The following SIRPD variants were observed in gnomAD, a reference collection of about 807,000 sequenced individuals.
SIRPD encodes signal regulatory protein delta, also known as signal-regulatory protein delta.
A neutral mutation model predicts 18.0 loss-of-function variants in SIRPD; 21 were observed. The ratio of observed to expected loss-of-function variants is 1.17; its 90% CI spans 0.83 to 1.68. The LOEUF (loss-of-function observed/expected upper bound fraction) is 1.68, where lower values mean the gene tolerates loss of function less well. Ranked by LOEUF, SIRPD falls within the 40% of genes most tolerant of loss-of-function variation. The probability of loss-of-function intolerance (pLI) is 0.00; values close to 1 mark genes in which losing one functional copy is unlikely to be tolerated. For synonymous variants in SIRPD, 106 were observed against 92.9 expected (o/e 1.14, Z -0.81); for missense variants, 295 against 238.4 (o/e 1.24, Z -1.56).
At chr20:1,534,756 C>A (rs896399772) in intron 3 of SIRPD, among the ~76,000 whole-genome samples, 1 of 152,122 alleles carries the variant, frequency 6.6e-6, no homozygotes, top group Non-Finnish European at 1.5e-5. Context: ...TCAAAATACC[C>A]CCTGTCCATT....
intron 2 of SIRPD, among the ~76,000 whole-genome samples, chr20:1,537,567 C>T (rs1268014813): frequency 1.3e-5 from 2 of 152,190 alleles, no homozygotes; most frequent in Non-Finnish European, 2.9e-5. Context: ...ATCCAGGAGC[C>T]CAGGAACAGG....
chr20:1,552,909 T>C (rs1441078877), intron 1 of SIRPD, among the ~76,000 whole-genome samples: 1 of 152,192 alleles, frequency 6.6e-6, no homozygotes, highest in East Asian at 1.9e-4. Flanking sequence ...CATTATGGAA[T>C]GTGTCTGGAT....
At position 1,544,925 on chromosome 20, in the gene SIRPD, G is replaced by A. The variant is rs1238331904; in HGVS notation, c.421+6766C>T. Among the ~76,000 whole-genome samples, 4 of 152,144 alleles carry A rather than the reference G, an allele frequency of 2.6e-5. No individual in the cohort carries two copies. The East Asian group carries it at 7.7e-4, about 29-fold the overall frequency. On this transcript the variant is annotated intron_variant, in intron 2 of 3. Transcript: ENST00000381623. ...CTGGGTTGAAAATTCTTTTCTTTAA[G>A]AATGTTGAATGTTGGTCCTCACTCT...
intron 1 of SIRPD, 31 bp downstream of exon 1, chr20:1,557,550 C>A: frequency 6.7e-7 from 1 of 1,491,562 alleles, no homozygotes; most frequent in African/African-American, 1.4e-5. Context: ...GGGGAGAACC[C>A]ACCACACACA....
In SIRPD at chr20:1,542,235, G is replaced by A. The variant is rs147784144; in HGVS notation, c.422-4925C>T. Among the ~76,000 whole-genome samples the A allele has an allele frequency of 9.5e-3, 1,439 of 152,260 alleles. 24 individuals carry two copies. The highest frequency in any genetic ancestry group is 0.034 in the African/African-American group (1,405 of 41,538). On this transcript the variant is annotated intron_variant, in intron 2 of 3. Coordinates refer to ENST00000381623, the MANE Select transcript of SIRPD (RefSeq NM_178460.3). The stretch of plus-strand genomic sequence containing the variant: ...GATTCTATAAATTACTTTGGGCAGT[G>A]TGGCCATTTTCACGATATTGATTAT...
intron 2 of SIRPD, among the ~76,000 whole-genome samples, chr20:1,548,302 C>G (rs986954506): frequency 2.6e-5 from 4 of 151,572 alleles, no homozygotes; most frequent in African/African-American, 9.7e-5. Flanking sequence ...TTTTTGAGTA[C>G]CTTTTTAAAT....
intron 1 of SIRPD, chr20:1,553,996 G>T (rs2091029602): frequency 6.6e-6 from 1 of 152,552 alleles, no homozygotes; most frequent in Non-Finnish European, 1.5e-5. Context: ...CCATGTCAGG[G>T]TGTCCTACCC....
At chr20:1,549,562 G>C (rs1216804700) in intron 2 of SIRPD, among the ~76,000 whole-genome samples, 1 of 151,790 alleles carries the variant, frequency 6.6e-6, no homozygotes, top group Non-Finnish European at 1.5e-5. Flanking sequence ...GGATTATTTT[G>C]GTGCAGTTGA....
intron 1 of SIRPD, among the ~76,000 whole-genome samples, chr20:1,552,577 C>G (rs1164511193): frequency 6.6e-6 from 1 of 152,146 alleles, no homozygotes; most frequent in East Asian, 1.9e-4. Context: ...CTACTTATCT[C>G]TTCAAGAGAG....
At chr20:1,534,548 C>A in intron 3 of SIRPD, 107 bp from the exon 4 acceptor site, 1 of 1,199,308 alleles carries the variant, frequency 8.3e-7, no homozygotes, top group East Asian at 2.6e-5. Flanking sequence ...AAAAGATTGC[C>A]AATTTTCTGT....
At chr20:1,535,811 T>G (rs936566157) in intron 3 of SIRPD, among the ~76,000 whole-genome samples, 1 of 152,232 alleles carries the variant, frequency 6.6e-6, no homozygotes, top group Non-Finnish European at 1.5e-5. Context: ...ATGTATACAA[T>G]GTGGAAAGTA....
chr20:1,552,197 C>T (rs2091022708), intron 1 of SIRPD, 159 bp from the exon 2 acceptor site: 2 of 640,516 alleles, frequency 3.1e-6, no homozygotes, highest in Admixed American at 2.9e-5. Context: ...CAGCTTCTCC[C>T]TAGAGTGCTG....
intron 1 of SIRPD, among the ~76,000 whole-genome samples, chr20:1,556,523 C>T (rs1201976510): frequency 2.0e-5 from 3 of 152,158 alleles, no homozygotes; most frequent in Non-Finnish European, 2.9e-5. Context: ...AAGTCTTAAC[C>T]ACAAGTAGCT....
At chr20:1,546,851 TTTGATGTGCTTA>T (rs1217769502) in intron 2 of SIRPD, among the ~76,000 whole-genome samples, 1 of 152,248 alleles carries the variant, frequency 6.6e-6, no homozygotes, top group African/African-American at 2.4e-5. Context: ...CTGAGCTCCT[TTTGATGTGCTTA>T]TTGGCAATTT....
At chr20:1,546,660 CCTAT>C (rs1209279381) in intron 2 of SIRPD, among the ~76,000 whole-genome samples, 1 of 152,286 alleles carries the variant, frequency 6.6e-6, no homozygotes, top group African/African-American at 2.4e-5. Flanking sequence ...TGAGGAGCTG[CCTAT>C]CTATTTTCCA....
rs753839547 is a variant in SIRPD at position 1,551,978 on chromosome 20, T to A, written c.134A>T (p.Glu45Val). The change falls in exon 2 of 4, where the codon GAG (glutamate) becomes GTG (valine). Residue 45 changes from glutamate (E) to valine (V), a missense_variant. By Grantham distance (121) the Glu-to-Val change is moderately radical (BLOSUM62 -2). Transcript: ENST00000381623. ...TACGCTGCAACTCAAGATGATTGAC[T>A]CCCCAGTTGATACAGTCTGTGACAT... ...TEMSQTVSTG[E>V]SIILSCSVPN... 6 of 1,613,936 alleles carry A rather than the reference T, an allele frequency of 3.7e-6. No individual in the cohort carries two copies. Among genetic ancestry groups the A allele is most frequent in the Non-Finnish European group, 5.1e-6 (6 of 1,179,976 alleles).
At position 1,551,936 on chromosome 20, in the gene SIRPD, T is replaced by C. The variant is rs2091021140; in HGVS notation, c.176A>G (p.Asn59Ser). ...TCCCTTGAACCACAAGACAGGTCCA[T>C]TTGGTAAGGTATTGGGTACGCTGCA... ...LSCSVPNTLP[N>S]GPVLWFKGTG... Residue 59 changes from asparagine (N) to serine (S), a missense_variant, in exon 2 of 4, where the codon AAT (asparagine) becomes AGT (serine). Physicochemically the swap from Asn to Ser is conservative, Grantham distance 46 (BLOSUM62 1). Coordinates refer to ENST00000381623, the MANE Select transcript of SIRPD (RefSeq NM_178460.3). 1 of 1,613,946 alleles carries C rather than the reference T, an allele frequency of 6.2e-7. No homozygotes were observed. Among genetic ancestry groups the C allele is most frequent in the South Asian group, 1.1e-5 (1 of 91,082 alleles).
chr20:1,551,627 G>A, intron 2 of SIRPD, 64 bp downstream of exon 2: 1 of 1,255,252 alleles, frequency 8.0e-7, no homozygotes, highest in East Asian at 2.3e-5. Flanking sequence ...TGAATGAATA[G>A]AAGACATAAC....
intron 2 of SIRPD, among the ~76,000 whole-genome samples, chr20:1,538,925 T>C (rs902957746): frequency 2.6e-5 from 4 of 152,186 alleles, no homozygotes; most frequent in Admixed American, 6.5e-5. Flanking sequence ...CATAATAAGA[T>C]GGTTGTTTTT....
Sources: allele counts gnomAD v4.1 joint callset (sites outside exome capture counted in the v4.1 genomes callset), GRCh38; gene constraint gnomAD v4.1.1; transcripts MANE v1.5; gene names NCBI Gene and HGNC (gene_info 2026-07-23, HGNC 2026-07-21).